The following BRD4 variants were observed in gnomAD, a reference collection of about 807,000 sequenced individuals.
BRD4 encodes bromodomain-containing protein 4.
Under a neutral mutation model 142.1 loss-of-function variants are expected in BRD4, and 16 were observed. The observed-to-expected ratio is 0.11, with a 90% CI of 0.08 to 0.17. The LOEUF (loss-of-function observed/expected upper bound fraction) is 0.17, where lower values mean the gene tolerates loss of function less well. BRD4 is among the 10% of genes least tolerant of loss of function. The pLI is 1.00. For missense variants in BRD4, 1,424 were observed against 1,810.9 expected, an observed-to-expected ratio of 0.79 and a Z score of 3.88; for synonymous variants, 833 against 707.5, an observed-to-expected ratio of 1.18 and a Z score of -2.82.
chr19:15,267,423 T>C lies in BRD4; in HGVS notation c.552A>G (p.Lys184=). 1.2e-6 allele frequency: 2 copies of C among 1,614,046 alleles called. No individual in the cohort carries two copies. The highest frequency in any genetic ancestry group is 1.1e-5 in the South Asian group (1 of 91,048). The change falls in exon 4 of 20, where the codon AAA becomes AAG. Residue 184 remains lysine, a synonymous_variant. Transcript: ENST00000679869. ...VQAKGRGRGR[K]ETGTAKPGVS... ...GCTATTTCAGTACTCTACCTGTTTC[T>C]TTCCTCCCACGTCCTCTTCCTTTTG...
intron 7 of BRD4, among the ~76,000 whole-genome samples, chr19:15,261,215 G>A (rs184240123): frequency 2.1e-4 from 32 of 152,308 alleles, no homozygotes; most frequent in African/African-American, 7.5e-4. Context: ...GGCCGGGCAC[G>A]GTGGCTCACG....
At chr19:15,314,168 T>C (rs761318473) in intron 1 of BRD4, among the ~76,000 whole-genome samples, 6 of 152,124 alleles carry the variant, frequency 3.9e-5, no homozygotes, top group African/African-American at 1.4e-4. Flanking sequence ...CACACAAATA[T>C]AATGTGCCAA....
intron 1 of BRD4, among the ~76,000 whole-genome samples, chr19:15,325,504 A>G (rs1456463322): frequency 6.6e-6 from 1 of 152,092 alleles, no homozygotes; most frequent in African/African-American, 2.4e-5. Flanking sequence ...GCCTAGAGAC[A>G]CTTCTACTTC....
chr19:15,322,878 A>AG (rs990903057), intron 1 of BRD4, among the ~76,000 whole-genome samples: 8 of 146,032 alleles, frequency 5.5e-5, no homozygotes, highest in African/African-American at 2.0e-4. Flanking sequence ...AAAAAAAAAA[A>AG]AAAAAAGAAA....
chr19:15,238,194 C>A lies in BRD4; in HGVS notation c.*183G>T. 1 of 957,790 alleles carries A rather than the reference C, an allele frequency of 1.0e-6. No homozygotes were observed. Among genetic ancestry groups the A allele is most frequent in the Non-Finnish European group, 1.5e-6 (1 of 656,420 alleles). 59.3% of individuals were successfully genotyped at this position (957,790 alleles called of 1,614,324 possible). On this transcript the variant is annotated 3_prime_UTR_variant, in exon 20 of 20. Transcript: ENST00000679869. This position sits in a 1 kb window ranked among gnomAD's most constrained non-coding sequence, Gnocchi z 7.2. ...GGTGGCGGGACGTCTGTCCGACTGG[C>A]CGTAAGGCAGACAGGCTCTGCAATC...
At chr19:15,266,834 TGG>T (rs2047539574) in intron 4 of BRD4, among the ~76,000 whole-genome samples, 1 of 152,176 alleles carries the variant, frequency 6.6e-6, no homozygotes, top group Non-Finnish European at 1.5e-5. Context: ...CAGTAGCTGC[TGG>T]AGAGTTTCCT....
intron 2 of BRD4, among the ~76,000 whole-genome samples, chr19:15,270,440 G>C (rs1402637252): frequency 6.6e-6 from 1 of 152,208 alleles, no homozygotes; most frequent in African/African-American, 2.4e-5. Context: ...CAGACTATCG[G>C]TGCCACTTTC....
At chr19:15,296,631 A>G (rs1217021883) in intron 1 of BRD4, among the ~76,000 whole-genome samples, 2 of 152,148 alleles carry the variant, frequency 1.3e-5, no homozygotes, top group African/African-American at 2.4e-5. Context: ...GTGGACAGGG[A>G]GCCAAAAGGA....
intron 1 of BRD4, among the ~76,000 whole-genome samples, chr19:15,305,925 T>C (rs944408898): frequency 1.3e-5 from 2 of 152,238 alleles, no homozygotes; most frequent in Non-Finnish European, 2.9e-5. Flanking sequence ...CCTTGCACTT[T>C]TATGTTTTGG....
At chr19:15,257,326 GCAAGGGCCAGC>G in intron 7 of BRD4, 153 bp from the exon 8 acceptor site, 1 of 694,008 alleles carries the variant, frequency 1.4e-6, no homozygotes, top group South Asian at 1.9e-5. Context: ...CGAGACAGGG[GCAAGGGCCAGC>G]CAAGGGCCTC....
intron 1 of BRD4, among the ~76,000 whole-genome samples, chr19:15,288,003 G>T (rs2047753060): frequency 6.6e-6 from 1 of 151,992 alleles, no homozygotes; most frequent in African/African-American, 2.4e-5. Context: ...TCCTGACTTA[G>T]ATGATCTGCC....
intron 1 of BRD4, among the ~76,000 whole-genome samples, chr19:15,298,707 A>T (rs190106084): frequency 6.6e-6 from 1 of 150,696 alleles, no homozygotes; most frequent in Admixed American, 6.6e-5. Context: ...TGAAAAAGAG[A>T]TGAAAGAAAT....
chr19:15,278,591 A>C (rs143205172), intron 1 of BRD4, among the ~76,000 whole-genome samples: 2 of 149,572 alleles, frequency 1.3e-5, no homozygotes, highest in East Asian at 3.9e-4. Flanking sequence ...TGTAAGAATA[A>C]AATATATATT....
At chr19:15,296,127 G>A (rs1258525584) in intron 1 of BRD4, among the ~76,000 whole-genome samples, 6 of 152,112 alleles carry the variant, frequency 3.9e-5, no homozygotes, top group Admixed American at 1.3e-4. Flanking sequence ...GGTGGCGCAC[G>A]CCTGTAGTCC....
chr19:15,238,859 C>A lies in BRD4; in HGVS notation c.3904G>T (p.Ala1302Ser), dbSNP rs2047214525. The part of the protein sequence containing the change: ...EQQQQQQQQA[A>S]AVAAAATPQA... ...GGGGTGGCGGCGGCAGCCACCGCAG[C>A]TGCTTGCTGTTGCTGCTGCTGCTGT... The change falls in exon 19 of 20, where the codon GCT becomes TCT. Residue 1302 changes from alanine (A) to serine (S), a missense_variant. Transcript: ENST00000679869. This position sits in a 1 kb window ranked among gnomAD's most constrained non-coding sequence, Gnocchi z 7.2. 1 of 1,602,060 alleles carries A rather than the reference C, an allele frequency of 6.2e-7. No homozygotes were observed. The highest frequency in any genetic ancestry group is 8.5e-7 in the Non-Finnish European group (1 of 1,174,940).
At chr19:15,243,803 G>A (rs2047260194) in intron 13 of BRD4, among the ~76,000 whole-genome samples, 1 of 152,162 alleles carries the variant, frequency 6.6e-6, no homozygotes, top group Admixed American at 6.5e-5. Context: ...AGGCCCCCAG[G>A]AAGGTGGCCC....
intron 11 of BRD4, among the ~76,000 whole-genome samples, chr19:15,245,740 G>A (rs922984323): frequency 1.3e-5 from 2 of 152,204 alleles, no homozygotes; most frequent in African/African-American, 4.8e-5. Context: ...GGTCACAGTC[G>A]CCTGCCACCA....
At position 15,304,807 on chromosome 19, in the gene BRD4, G is replaced by A. The variant is rs1282580425; in HGVS notation, c.-35+27483C>T. Among the ~76,000 whole-genome samples the A allele has an allele frequency of 2.6e-5, 4 of 152,084 alleles. No individual in the cohort carries two copies. The East Asian group carries it at 5.8e-4, about 22-fold the overall frequency. ...GTTTTGCAGCCAAGGAAGCTGATGC[G>A]AGAAGAAATCGGTAATTCATCTAAG... is the stretch of plus-strand genomic sequence containing the variant. On this transcript the variant is annotated intron_variant, in intron 1 of 19. Coordinates refer to ENST00000679869, the MANE Select transcript of BRD4 (RefSeq NM_001379291.1).
intron 1 of BRD4, among the ~76,000 whole-genome samples, chr19:15,327,757 G>C (rs1331739857): frequency 6.6e-6 from 1 of 151,914 alleles, no homozygotes; most frequent in African/African-American, 2.4e-5. Flanking sequence ...ACAGTACAGT[G>C]AGTGAAAGAT....
Sources: allele counts gnomAD v4.1 joint callset (sites outside exome capture counted in the v4.1 genomes callset), GRCh38; gene constraint gnomAD v4.1.1; non-coding constraint Gnocchi (gnomAD v3.1); transcripts MANE v1.5; gene names NCBI Gene and HGNC (gene_info 2026-07-23, HGNC 2026-07-21).